PLPP1: variants seen among roughly 807,000 people sequenced by gnomAD.
PLPP1 encodes the protein lipid phosphate phosphohydrolase 1a.
A neutral mutation model predicts 31.2 loss-of-function variants in PLPP1; 24 were observed. The observed-to-expected ratio is 0.77, with a 90% CI of 0.56 to 1.08. The LOEUF (loss-of-function observed/expected upper bound fraction) is 1.08. Among genes scored for constraint, PLPP1 ranks in the 50% least tolerant of loss-of-function variants. The pLI, the probability that PLPP1 is intolerant of heterozygous loss-of-function variation, is 0.00. For synonymous variants in PLPP1, 146 were observed against 126.3 expected (o/e 1.16, Z -1.05); for missense variants, 319 against 342.7 (o/e 0.93, Z 0.55).
At chr5:55,520,465 A>G (rs143856935) in intron 1 of PLPP1, among the ~76,000 whole-genome samples, 93 of 152,296 alleles carry the variant, frequency 6.1e-4, no homozygotes, top group African/African-American at 2.1e-3. Flanking sequence ...AACAGCAAAA[A>G]TATTTGAGTG....
intron 3 of PLPP1, among the ~76,000 whole-genome samples, chr5:55,444,761 G>A: frequency 6.6e-6 from 1 of 151,112 alleles, no homozygotes; most frequent in East Asian, 1.9e-4. Context: ...GTGTGTGTGT[G>A]TGTGTGTGTG....
At chr5:55,462,031 G>A (rs1752177182) in intron 3 of PLPP1, among the ~76,000 whole-genome samples, 1 of 152,058 alleles carries the variant, frequency 6.6e-6, no homozygotes, top group Admixed American at 6.5e-5. Flanking sequence ...ACACTGGCAT[G>A]AGAAACTAAA....
At chr5:55,430,949 A>G (rs1475251435) in intron 4 of PLPP1, among the ~76,000 whole-genome samples, 1 of 152,208 alleles carries the variant, frequency 6.6e-6, no homozygotes, top group African/African-American at 2.4e-5. Context: ...AATATAAAAT[A>G]GATCCAACAG....
chr5:55,468,031 G>A lies in PLPP1; in HGVS notation c.329C>T (p.Ala110Val), dbSNP rs2111788386. 6.2e-7 allele frequency: 1 copy of A among 1,614,172 alleles called. No individual in the cohort carries two copies. Among genetic ancestry groups the A allele is most frequent in the East Asian group, 2.2e-5 (1 of 44,882 alleles). Reference protein sequence around the residue: ...KAIGTFLFGAAASQSLTDIAK... With the variant: ...KAIGTFLFGAVASQSLTDIAK... ...AATGTCAGTCAGGGACTGACTAGCA[G>A]CTGCACCAAATAAAAAGGTTCCAAT... Residue 110 changes from alanine to valine, a missense_variant, in exon 3 of 6, where the codon GCT becomes GTT. Transcript: ENST00000307259.
chr5:55,497,045 C>G (rs1753017110), intron 1 of PLPP1, among the ~76,000 whole-genome samples: 1 of 152,128 alleles, frequency 6.6e-6, no homozygotes, highest in South Asian at 2.1e-4. Context: ...TACACTGATT[C>G]ATGTACCCAC....
intron 2 of PLPP1, among the ~76,000 whole-genome samples, chr5:55,468,842 C>T (rs1256767489): frequency 6.6e-6 from 1 of 152,066 alleles, no homozygotes; most frequent in African/African-American, 2.4e-5. Flanking sequence ...CCTACTTCCC[C>T]AATCAGAAAC....
intron 1 of PLPP1, among the ~76,000 whole-genome samples, chr5:55,508,134 A>G (rs1424328422): frequency 6.6e-6 from 1 of 152,240 alleles, no homozygotes; most frequent in African/African-American, 2.4e-5. Context: ...CTAGGATTAC[A>G]GGCATGAGCC....
At chr5:55,453,405 C>A (rs1751935332) in intron 3 of PLPP1, among the ~76,000 whole-genome samples, 1 of 152,144 alleles carries the variant, frequency 6.6e-6, no homozygotes, top group Non-Finnish European at 1.5e-5. Flanking sequence ...ATTAGGAAGT[C>A]CAGTTTAACT....
chr5:55,518,042 C>T (rs933964009), intron 1 of PLPP1, among the ~76,000 whole-genome samples: 1 of 152,106 alleles, frequency 6.6e-6, no homozygotes, highest in Admixed American at 6.5e-5. Context: ...GATAGGGTTT[C>T]ACCATGTTGG....
intron 1 of PLPP1, chr5:55,530,834 C>T (rs774320181): frequency 4.8e-6 from 6 of 1,262,390 alleles, no homozygotes; most frequent in Non-Finnish European, 5.8e-6. Flanking sequence ...TCCTGACAGA[C>T]GGGGCAGTAG....
At chr5:55,497,731 A>G (rs2111871381) in intron 1 of PLPP1, among the ~76,000 whole-genome samples, 1 of 152,296 alleles carries the variant, frequency 6.6e-6, no homozygotes, top group East Asian at 1.9e-4. Flanking sequence ...ACTATTTACA[A>G]GGTGTGAAGG....
chr5:55,467,558 A>G, intron 3 of PLPP1, among the ~76,000 whole-genome samples: 1 of 125,726 alleles, frequency 8.0e-6, no homozygotes, highest in East Asian at 2.2e-4. Context: ...AAAATTATAT[A>G]TATTATATAT....
intron 3 of PLPP1, among the ~76,000 whole-genome samples, chr5:55,463,535 C>T (rs954201942): frequency 6.6e-6 from 1 of 151,864 alleles, no homozygotes; most frequent in Non-Finnish European, 1.5e-5. Flanking sequence ...GTGGCACACA[C>T]CTGTAATCCC....
chr5:55,531,155 T>C (rs1354561094), intron 1 of PLPP1, among the ~76,000 whole-genome samples: 1 of 152,216 alleles, frequency 6.6e-6, no homozygotes, highest in Non-Finnish European at 1.5e-5. Context: ...AAATATACAT[T>C]ATCTCTCAAA....
At chr5:55,502,420 G>A (rs1490771944) in intron 1 of PLPP1, among the ~76,000 whole-genome samples, 3 of 151,918 alleles carry the variant, frequency 2.0e-5, no homozygotes, top group Admixed American at 2.0e-4. Context: ...CCAGGAGGTG[G>A]AGGTTGCAGT....
At chr5:55,426,287 C>CAA (rs1751193166) in intron 4 of PLPP1, among the ~76,000 whole-genome samples, 2 of 152,182 alleles carry the variant, frequency 1.3e-5, no homozygotes, top group Non-Finnish European at 2.9e-5. Context: ...AAACTGTATA[C>CAA]AAACAGGTGT....
At chr5:55,532,433 TGATAG>T (rs1346129312) in intron 1 of PLPP1, among the ~76,000 whole-genome samples, 1 of 152,242 alleles carries the variant, frequency 6.6e-6, no homozygotes, top group Non-Finnish European at 1.5e-5. Flanking sequence ...TATGTGGCAA[TGATAG>T]GATAATATTC....
At position 55,534,571 on chromosome 5, in the gene PLPP1, C is replaced by T; in HGVS notation, c.58+1G>A. 1 of 1,545,398 alleles carries T rather than the reference C, an allele frequency of 6.5e-7. No individual in the cohort carries two copies. ...CCTCGGACCCGGCGGCGCGTACGTA[C>T]CCAGCAACACGCAGAGCACATCGAG... is the stretch of plus-strand genomic sequence containing the variant. On this transcript the variant is annotated splice_donor_variant, in intron 1 of 5. Transcript: ENST00000307259. LOFTEE classifies it high-confidence loss of function.
chr5:55,499,313 G>A (rs1342141510), intron 1 of PLPP1, among the ~76,000 whole-genome samples: 1 of 152,152 alleles, frequency 6.6e-6, no homozygotes, highest in African/African-American at 2.4e-5. Flanking sequence ...TAGCAAACGA[G>A]TTAGACATCT....
Sources: gnomAD v4.1 joint callset for allele counts (sites outside exome capture counted in the v4.1 genomes callset) on GRCh38, gnomAD v4.1.1 for gene constraint, MANE v1.5 for transcripts, NCBI Gene and HGNC (gene_info 2026-07-23, HGNC 2026-07-21) for gene names.